The following DCAF6 variants were observed in gnomAD, a reference collection of about 807,000 sequenced individuals.
The protein encoded by DCAF6 is DDB1- and CUL4-associated factor 6.
DCAF6 carries 54 observed loss-of-function variants against 125.1 expected under a neutral mutation model. The observed-to-expected ratio is 0.43, with a 90% CI of 0.35 to 0.54. DCAF6 has a LOEUF of 0.54. DCAF6 is among the 20% of genes least tolerant of loss of function. The pLI, the probability that DCAF6 is intolerant of heterozygous loss-of-function variation, is 0.01. For missense variants in DCAF6, 934 were observed against 1,161.7 expected (o/e 0.80, Z 2.85); for synonymous variants, 371 against 390.4 (o/e 0.95, Z 0.58).
chr1:168,037,563 T>C (rs1687997771), intron 12 of DCAF6, among the ~76,000 whole-genome samples: 1 of 152,206 alleles, frequency 6.6e-6, no homozygotes, highest in Non-Finnish European at 1.5e-5. Flanking sequence ...TGCATATCCA[T>C]GTACTCTTTT....
chr1:167,874,956 G>A, the DCAF6 span, among the ~76,000 whole-genome samples: 2 of 152,154 alleles, frequency 1.3e-5, no homozygotes, highest in African/African-American at 4.8e-5. Context: ...TTGGGGAAAG[G>A]AAGAAGGAAA....
intron 1 of DCAF6, 142 bp from the exon 2 acceptor site, chr1:167,951,658 G>A: frequency 1.7e-6 from 1 of 599,628 alleles, no homozygotes; most frequent in Non-Finnish European, 3.0e-6. Context: ...AAATTGCCCA[G>A]TATCACTCAG....
intron 17 of DCAF6, among the ~76,000 whole-genome samples, chr1:168,053,518 A>G (rs1335357300): frequency 6.6e-6 from 1 of 152,346 alleles, no homozygotes; most frequent in Non-Finnish European, 1.5e-5. Flanking sequence ...CACTTCAATC[A>G]TGGCTATGAT....
At chr1:167,974,584 T>C (rs1677849448) in intron 3 of DCAF6, among the ~76,000 whole-genome samples, 2 of 152,188 alleles carry the variant, frequency 1.3e-5, no homozygotes, top group South Asian at 2.1e-4. Flanking sequence ...AATGGAAATA[T>C]GCATGTTTTA....
chr1:168,053,659 T>C (rs919576047), intron 17 of DCAF6, among the ~76,000 whole-genome samples: 2 of 152,218 alleles, frequency 1.3e-5, no homozygotes, highest in African/African-American at 4.8e-5. Flanking sequence ...TTTTCTGCCC[T>C]GGTGAAGCCT....
At chr1:167,920,812 T>A in the DCAF6 span, among the ~76,000 whole-genome samples, 1 of 152,222 alleles carries the variant, frequency 6.6e-6, no homozygotes, top group Non-Finnish European at 1.5e-5. Context: ...AAAAAACTGC[T>A]TTTTGAACTA....
the DCAF6 span, among the ~76,000 whole-genome samples, chr1:167,898,754 C>A: frequency 1.3e-5 from 2 of 152,104 alleles, no homozygotes; most frequent in South Asian, 4.1e-4. Flanking sequence ...GGAGTGCCTC[C>A]TATCTTGACC....
At chr1:168,014,970 C>T (rs1259560198) in intron 10 of DCAF6, among the ~76,000 whole-genome samples, 1 of 152,150 alleles carries the variant, frequency 6.6e-6, no homozygotes, top group Non-Finnish European at 1.5e-5. Flanking sequence ...GCAGTTATCC[C>T]CACGTGACAC....
the DCAF6 span, chr1:167,918,278 A>G: frequency 1.5e-5 from 22 of 1,471,264 alleles, no homozygotes; most frequent in South Asian, 6.1e-5. Flanking sequence ...CTAGGTCCCA[A>G]TGGTTTTGTC....
chr1:168,004,800 A>G lies in DCAF6; in HGVS notation c.1378+7A>G, dbSNP rs1683121579. Reference sequence around the variant, plus strand: ...CACACACATCATCAGTCTGGTGAGGATAAGTATGCTGTGGTTCATCTAATG... The same window carrying G: ...CACACACATCATCAGTCTGGTGAGGGTAAGTATGCTGTGGTTCATCTAATG... On this transcript the variant is annotated splice_region_variant and intron_variant, in intron 10 of 21. Coordinates refer to ENST00000367840, the MANE Select transcript of DCAF6 (RefSeq NM_001198956.2). 2.5e-6 allele frequency: 4 copies of G among 1,611,750 alleles called. No homozygotes were observed. Among genetic ancestry groups the G allele is most frequent in the African/African-American group, 1.3e-5 (1 of 74,888 alleles).
chr1:168,020,540 C>A (rs1571970781), intron 11 of DCAF6, among the ~76,000 whole-genome samples: 1 of 152,130 alleles, frequency 6.6e-6, no homozygotes, highest in South Asian at 2.1e-4. Context: ...AAAAAAGTTA[C>A]AATTCTAAAC....
intron 12 of DCAF6, among the ~76,000 whole-genome samples, chr1:168,025,434 A>C (rs77024813): frequency 0.018 from 2,783 of 152,206 alleles, 76 homozygotes; most frequent in African/African-American, 0.064. Context: ...GCTATGTAAG[A>C]GGTTAGTATT....
chr1:168,016,920 T>C (rs1685051390), intron 11 of DCAF6, among the ~76,000 whole-genome samples: 1 of 152,086 alleles, frequency 6.6e-6, no homozygotes. Context: ...TTGGAACTAA[T>C]TTATATATTG....
At chr1:167,969,938 G>A (rs374309309) in intron 3 of DCAF6, among the ~76,000 whole-genome samples, 34 of 152,102 alleles carry the variant, frequency 2.2e-4, no homozygotes, top group Admixed American at 8.5e-4. Flanking sequence ...CACCACGCCC[G>A]GCTAGTTTTT....
In DCAF6 at chr1:167,936,983, G is replaced by A; in HGVS notation, c.72G>A (p.Pro24=). ...VRKRSLGLED[P]SRLRSRYLGR... is the part of the protein sequence containing the mutation. ...AAAGGTCCCTCGGGCTGGAGGACCC[G>A]TCCCGGCTGCGGAGTCGCTACCTGG... is the stretch of plus-strand genomic sequence containing the variant. Residue 24 remains proline, a synonymous_variant, in exon 1 of 22, where the codon CCG becomes CCA. Coordinates refer to ENST00000367840, the MANE Select transcript of DCAF6 (RefSeq NM_001198956.2). 6.2e-7 allele frequency: 1 copy of A among 1,610,740 alleles called. No homozygotes were observed. The highest frequency in any genetic ancestry group is 8.5e-7 in the Non-Finnish European group (1 of 1,179,062).
the DCAF6 span, among the ~76,000 whole-genome samples, chr1:167,884,889 G>A: frequency 6.6e-6 from 1 of 151,972 alleles, no homozygotes; most frequent in South Asian, 2.1e-4. Flanking sequence ...GTAGAGACGG[G>A]GTTTCACTGT....
At chr1:167,877,158 T>C in the DCAF6 span, among the ~76,000 whole-genome samples, 2 of 151,666 alleles carry the variant, frequency 1.3e-5, no homozygotes, top group South Asian at 4.2e-4. Flanking sequence ...TTGCTCACTA[T>C]AGATATGGCC....
the DCAF6 span, among the ~76,000 whole-genome samples, chr1:167,888,933 T>C: frequency 2.6e-5 from 4 of 152,154 alleles, no homozygotes; most frequent in South Asian, 8.3e-4. Flanking sequence ...TATGATGATT[T>C]TGTATACTGT....
At chr1:167,917,774 A>G in the DCAF6 span, 3 of 152,326 alleles carry the variant, frequency 2.0e-5, no homozygotes, top group African/African-American at 7.2e-5. Context: ...ATTAATCTTT[A>G]CAATGATCCT....
Sources: allele counts gnomAD v4.1 joint callset (sites outside exome capture counted in the v4.1 genomes callset), GRCh38; gene constraint gnomAD v4.1.1; transcripts MANE v1.5; gene names NCBI Gene and HGNC (gene_info 2026-07-23, HGNC 2026-07-21).